Variants in MPST observed in about 807,000 individuals in gnomAD.
MPST encodes the protein 3-mercaptopyruvate sulfurtransferase.
Under a neutral mutation model 28.5 loss-of-function variants are expected in MPST, and 27 were observed. That is an observed-to-expected ratio of 0.95 (90% confidence interval 0.70 to 1.31). The LOEUF (loss-of-function observed/expected upper bound fraction) is 1.31, where lower values mean the gene tolerates loss of function less well. Among genes scored for constraint, MPST ranks in the 50% most tolerant of loss-of-function variants. MPST has a pLI of 0.00. For missense variants in MPST, 492 were observed against 471.1 expected, an observed-to-expected ratio of 1.04 and a Z score of -0.41; for synonymous variants, 204 against 209.3, an observed-to-expected ratio of 0.97 and a Z score of 0.22.
At position 37,024,350 on chromosome 22, in the gene MPST, G is replaced by T; in HGVS notation, c.195G>T (p.Ala65=). 1 of 1,542,142 alleles carries T rather than the reference G, an allele frequency of 6.5e-7. No individual in the cohort carries two copies. The highest frequency in any genetic ancestry group is 8.7e-7 in the Non-Finnish European group (1 of 1,145,440). ...SWYLPKLGRD[A]RREFEERHIP... is the part of the protein sequence containing the mutation. ...ACCTGCCGAAGCTGGGGCGCGACGC[G>T]CGACGCGAGTTCGAGGAGCGCCACA... The change falls in exon 2 of 3, where the codon GCG becomes GCT. Residue 65 remains alanine (A), a synonymous_variant. Transcript: ENST00000429360.
At position 37,029,566 on chromosome 22, in the gene MPST, T is replaced by G; in HGVS notation, c.*52T>G. 1 of 1,506,248 alleles carries G rather than the reference T, an allele frequency of 6.6e-7. No homozygotes were observed. The highest frequency in any genetic ancestry group is 9.0e-7 in the Non-Finnish European group (1 of 1,114,728). 93.3% of individuals were successfully genotyped at this position (1,506,248 alleles called of 1,614,324 possible). The stretch of plus-strand genomic sequence containing the variant: ...GGTGATGCCGGCCACCAGCAATGCC[T>G]GGCCTGGTAGCTCCGCTTCTGCTTT... On this transcript the variant is annotated 3_prime_UTR_variant, in exon 3 of 3. Transcript: ENST00000429360.
rs769918989 is a variant in MPST at position 37,024,680 on chromosome 22, C to T, written c.525C>T (p.Arg175=). The change falls in exon 2 of 3, where the codon CGC becomes CGT. Residue 175 remains arginine (R), a synonymous_variant. Transcript: ENST00000429360. The part of the protein sequence containing the change: ...GKSQPAPAEF[R]AQLDPAFIKT... ...GCCAACCTGCTCCCGCCGAGTTCCG[C>T]GCTCAGCTCGACCCCGCCTTCATCA... The T allele has an allele frequency of 5.0e-6, 8 of 1,599,268 alleles. No individual in the cohort carries two copies. The African/African-American group carries it at 5.3e-5, about 11-fold the overall frequency.
At chr22:37,020,012 G>A in intron 1 of MPST, 140 bp downstream of exon 1, 1 of 437,912 alleles carries the variant, frequency 2.3e-6, no homozygotes, top group East Asian at 3.6e-5. Flanking sequence ...CGCTACGTTG[G>A]CACTAAGGGT....
chr22:37,022,551 C>T (rs1315195645), intron 1 of MPST, among the ~76,000 whole-genome samples: 1 of 152,178 alleles, frequency 6.6e-6, no homozygotes, highest in African/African-American at 2.4e-5. Context: ...GTCATCATGG[C>T]ACCTGGGGCA....
In MPST at chr22:37,023,980, G is replaced by A. The variant is rs1923270767; in HGVS notation, c.37-212G>A. 5 of 1,456,648 alleles carry A rather than the reference G, an allele frequency of 3.4e-6. No homozygotes were observed. The South Asian group carries it at 4.0e-5, about 12-fold the overall frequency. The allele number at this position is 1,456,648 out of a possible 1,614,324, so 90.2% of individuals were successfully genotyped here. A position where few individuals can be genotyped will look rare whatever the true frequency, so the allele number is the denominator to read the frequency against. The stretch of plus-strand genomic sequence containing the variant: ...GGAGGTCATGGTCATTGGGTCACTC[G>A]GAGCTTGTGTTTATATGAGGCCTGG... On this transcript the variant is annotated intron_variant, in intron 1 of 2. Transcript: ENST00000429360.
At position 37,029,737 on chromosome 22, in the gene MPST, G is replaced by A. The variant is rs1923779658; in HGVS notation, c.*223G>A. Reference sequence around the variant, plus strand: ...TGGAGGAGGGAGGCCACAACTCCGAGCTGCCCACCTGGTGCTGAGCTGGGG... The same window carrying A: ...TGGAGGAGGGAGGCCACAACTCCGAACTGCCCACCTGGTGCTGAGCTGGGG... On this transcript the variant is annotated 3_prime_UTR_variant, in exon 3 of 3. Coordinates refer to ENST00000429360, the MANE Select transcript of MPST (RefSeq NM_021126.8). The A allele has an allele frequency of 1.7e-6, 1 of 598,806 alleles. No individual in the cohort carries two copies. The highest frequency in any genetic ancestry group is 3.0e-5 in the Admixed American group (1 of 33,208). 37.1% of individuals were successfully genotyped at this position (598,806 alleles called of 1,614,324 possible).
chr22:37,028,914 T>C (rs1417310038), intron 2 of MPST: 2 of 356,814 alleles, frequency 5.6e-6, no homozygotes, highest in East Asian at 1.2e-4. Context: ...TGCTTTGCTG[T>C]CCCTAGGGTG....
At chr22:37,028,940 T>C (rs1295495890) in intron 2 of MPST, 6 of 431,940 alleles carry the variant, frequency 1.4e-5, no homozygotes, top group Admixed American at 7.8e-5. Flanking sequence ...TCAGGAAACC[T>C]TGGGGCCCAG....
intron 1 of MPST, among the ~76,000 whole-genome samples, chr22:37,022,079 CTGTGGTTCCCACAATAGGGTTCCTCAGGA>C (rs1474353777): frequency 6.6e-6 from 1 of 152,092 alleles, no homozygotes; most frequent in Non-Finnish European, 1.5e-5. Context: ...ACAGGGGCTG[CTGTGGTTCCCACAATAGGGTTCCTCAGGA>C]AGGAACCTGC....
At position 37,029,469 on chromosome 22, in the gene MPST, C is replaced by T; in HGVS notation, c.909C>T (p.Ala303=). 6.2e-7 allele frequency: 1 copy of T among 1,611,740 alleles called. No individual in the cohort carries two copies. Among genetic ancestry groups the T allele is most frequent in the Non-Finnish European group, 8.5e-7 (1 of 1,178,952 alleles). ...CCTGGGTGGAGTGGTACATGCGCGC[C>T]CGGCCCGAGGATGTCATCTCAGAGG... ...DGSWVEWYMR[A]RPEDVISEGR... Residue 303 remains alanine (A), a synonymous_variant, in exon 3 of 3, where the codon GCC becomes GCT. Coordinates refer to ENST00000429360, the MANE Select transcript of MPST (RefSeq NM_021126.8).
Position 37,029,142 on chromosome 22 carries a change from C to T in MPST, c.656-74C>T, listed in dbSNP as rs530900449. 4.4e-6 allele frequency: 6 copies of T among 1,373,546 alleles called. No homozygotes were observed. The East Asian group carries it at 9.6e-5, about 22-fold the overall frequency. The allele number at this position is 1,373,546 out of a possible 1,614,324, so 85.1% of individuals were successfully genotyped here. ...CTTGCATGGGATGCTCTCAATATCT[C>T]GAGCACCACAAATACGAGGTACCAT... On this transcript the variant is annotated intron_variant, in intron 2 of 2. Coordinates refer to ENST00000429360, the MANE Select transcript of MPST (RefSeq NM_021126.8).
chr22:37,029,047 T>C (rs1290853285), intron 2 of MPST, 169 bp from the exon 3 acceptor site: 2 of 675,512 alleles, frequency 3.0e-6, no homozygotes, highest in Non-Finnish European at 4.9e-6. Flanking sequence ...GGGGCTCCTC[T>C]AAACAGTGCT....
At chr22:37,022,735 C>T (rs927650132) in intron 1 of MPST, among the ~76,000 whole-genome samples, 2 of 152,238 alleles carry the variant, frequency 1.3e-5, no homozygotes, top group African/African-American at 4.8e-5. Context: ...CACAGAGGCA[C>T]TCGGTCCACA....
chr22:37,020,029 C>A (rs544843193), intron 1 of MPST, 157 bp downstream of exon 1: 27 of 412,832 alleles, frequency 6.5e-5, no homozygotes, highest in Non-Finnish European at 1.1e-4. Context: ...GGGTGACTGT[C>A]CGCTTGGGGC....
intron 1 of MPST, 90 bp from the exon 2 acceptor site, chr22:37,024,102 C>A: frequency 2.3e-6 from 3 of 1,292,804 alleles, no homozygotes; most frequent in African/African-American, 1.6e-5. Context: ...CGCACCTCCC[C>A]CGCCGGCCCT....
chr22:37,022,389 T>C (rs1258796101), intron 1 of MPST, among the ~76,000 whole-genome samples: 4 of 152,222 alleles, frequency 2.6e-5, no homozygotes, highest in Non-Finnish European at 4.4e-5. Context: ...GCCTGCAGCC[T>C]GACGTTTCCC....
intron 2 of MPST, chr22:37,028,717 G>A (rs1361535834): frequency 6.3e-6 from 1 of 157,644 alleles, no homozygotes; most frequent in Non-Finnish European, 1.4e-5. Flanking sequence ...CCCTGTCTCA[G>A]TAATAATAAT....
chr22:37,023,204 A>G (rs1317696081), intron 1 of MPST: 1 of 152,344 alleles, frequency 6.6e-6, no homozygotes, highest in African/African-American at 2.4e-5. Flanking sequence ...TTCTGGTGCC[A>G]GACTGACTGC....
chr22:37,022,738 G>A (rs767051563), intron 1 of MPST, among the ~76,000 whole-genome samples: 7 of 152,212 alleles, frequency 4.6e-5, no homozygotes, highest in Non-Finnish European at 8.8e-5. Context: ...AGAGGCACTC[G>A]GTCCACAGAT....
Sources: gnomAD v4.1 joint callset for allele counts (sites outside exome capture counted in the v4.1 genomes callset) on GRCh38, gnomAD v4.1.1 for gene constraint, MANE v1.5 for transcripts, NCBI Gene and HGNC (gene_info 2026-07-23, HGNC 2026-07-21) for gene names.